INTS4: variants seen among roughly 807,000 people sequenced by gnomAD.
INTS4 encodes integrator complex subunit 4, also known as MSTP093.
A neutral mutation model predicts 119.5 loss-of-function variants in INTS4; 70 were observed. That is an observed-to-expected ratio of 0.59 (90% CI 0.48 to 0.71). The LOEUF (loss-of-function observed/expected upper bound fraction) is 0.71, where lower values mean the gene tolerates loss of function less well. Among genes scored for constraint, INTS4 ranks in the 30% least tolerant of loss-of-function variants. INTS4 has a pLI of 0.00. For synonymous variants in INTS4, 316 were observed against 419.6 expected (o/e 0.75, Z 3.02); for missense variants, 867 against 1,173.2 (o/e 0.74, Z 3.81).
chr11:77,879,241 C>T lies in INTS4; in HGVS notation c.2714-114G>A, dbSNP rs1490796650. 2.0e-5 allele frequency: 22 copies of T among 1,096,506 alleles called. No individual in the cohort carries two copies. In the South Asian group the frequency reaches 2.1e-4, roughly 11 times the overall value. 67.9% of individuals were successfully genotyped at this position (1,096,506 alleles called of 1,614,324 possible). A position where few individuals can be genotyped will look rare whatever the true frequency, so the allele number is the denominator to read the frequency against. ...AGCAGTAGGGAGAAATTTCTTCATC[C>T]GTCTACATTCCCTCCCCTTACCCTC... is the stretch of plus-strand genomic sequence containing the variant. On this transcript the variant is annotated intron_variant, in intron 22 of 22. Coordinates refer to ENST00000534064, the MANE Select transcript of INTS4 (RefSeq NM_033547.4).
intron 22 of INTS4, 96 bp from the exon 23 acceptor site, chr11:77,879,223 G>A: frequency 7.3e-7 from 1 of 1,363,280 alleles, no homozygotes; most frequent in Admixed American, 2.1e-5. Flanking sequence ...GGAAGCAGTA[G>A]GGAGAAATTT....
At chr11:77,947,144 G>T (rs1445484329) in intron 8 of INTS4, among the ~76,000 whole-genome samples, 1 of 150,660 alleles carries the variant, frequency 6.6e-6, no homozygotes, top group Admixed American at 6.6e-5. Context: ...AAAAAAGAAA[G>T]CCTTGGAACA....
In INTS4 at chr11:77,891,744, C is replaced by T; in HGVS notation, c.2385G>A (p.Val795=). The T allele has an allele frequency of 6.2e-7, 1 of 1,611,956 alleles. No individual in the cohort carries two copies. The highest frequency in any genetic ancestry group is 8.5e-7 in the Non-Finnish European group (1 of 1,179,848). ...GCAGCATGGTCTGTAGAATTTTGACCACTTCTGCAGGTTTGGATGTCATGA... is the reference window on the plus strand; with the variant it reads ...GCAGCATGGTCTGTAGAATTTTGACTACTTCTGCAGGTTTGGATGTCATGA... ...PRLMTSKPAE[V]VKILQTMLRQ... The change falls in exon 20 of 23, where the codon GTG becomes GTA. Residue 795 remains valine (V), a synonymous_variant. Coordinates refer to ENST00000534064, the MANE Select transcript of INTS4 (RefSeq NM_033547.4).
intron 18 of INTS4, among the ~76,000 whole-genome samples, 185 bp from the exon 19 acceptor site, chr11:77,894,534 G>A (rs1438076164): frequency 4.6e-5 from 7 of 152,142 alleles, no homozygotes; most frequent in Admixed American, 4.6e-4. Context: ...CCCAAGACCT[G>A]ATTAAACCAC....
downstream of INTS4, chr11:77,878,615 C>T: frequency 1.7e-6 from 1 of 587,136 alleles, no homozygotes; most frequent in East Asian, 2.8e-5. Context: ...CAGGAGGTAA[C>T]TGGATCTTTG....
intron 3 of INTS4, among the ~76,000 whole-genome samples, chr11:77,981,190 C>CAAAAAAAAAAAAAAAAAAAAAAAAAAAA (rs35194381): frequency 1.1e-5 from 1 of 88,862 alleles, no homozygotes; most frequent in Non-Finnish European, 2.3e-5. Flanking sequence ...AACAAACAAG[C>CAAAAAAAAAAAAAAAAAAAAAAAAAAAA]AAAAAAAAAA....
rs1251613708 is a variant in INTS4 at position 77,891,770 on chromosome 11, G to C, written c.2359C>G (p.Leu787Val). ...VDKLLDLMPRLMTSKPAEVVK... is the reference protein window; with the variant it reads ...VDKLLDLMPRVMTSKPAEVVK... ...ACTTCTGCAGGTTTGGATGTCATGA[G>C]TCGGGGCATAAGGTCAAGGAGTTTG... The change falls in exon 20 of 23, where the codon CTC (leucine) becomes GTC (valine). Residue 787 changes from leucine (L) to valine (V), a missense_variant. Physicochemically the swap from Leu to Val is conservative, Grantham distance 32. This residue lies in a region of INTS4 where 262 missense variants were observed against 376.0 expected (regional missense o/e 0.70). Coordinates refer to ENST00000534064, the MANE Select transcript of INTS4 (RefSeq NM_033547.4). 1 of 1,611,914 alleles carries C rather than the reference G, an allele frequency of 6.2e-7. No individual in the cohort carries two copies. The highest frequency in any genetic ancestry group is 1.3e-5 in the African/African-American group (1 of 74,862).
At chr11:77,939,703 G>T (rs1370933427) in intron 9 of INTS4, among the ~76,000 whole-genome samples, 2 of 151,372 alleles carry the variant, frequency 1.3e-5, no homozygotes, top group African/African-American at 2.4e-5. Context: ...AAATTAGCCG[G>T]GTGTGGTGGT....
chr11:77,883,365 C>G (rs1951867976), intron 22 of INTS4, among the ~76,000 whole-genome samples: 1 of 151,998 alleles, frequency 6.6e-6, no homozygotes, highest in Admixed American at 6.6e-5. Context: ...CCCATTTTAT[C>G]CTCACAATTC....
chr11:77,982,000 G>C (rs1478862407), intron 2 of INTS4, among the ~76,000 whole-genome samples: 2 of 152,118 alleles, frequency 1.3e-5, no homozygotes, highest in African/African-American at 4.8e-5. Flanking sequence ...AGTCATGTTA[G>C]ACACAAGTCA....
chr11:77,975,160 C>G (rs1026673729), intron 4 of INTS4, among the ~76,000 whole-genome samples: 1 of 151,530 alleles, frequency 6.6e-6, no homozygotes, highest in Non-Finnish European at 1.5e-5. Context: ...CTTTTTCCAG[C>G]ATCTTAAGTT....
chr11:77,938,829 C>T lies in INTS4; in HGVS notation c.991-4G>A. 6.2e-7 allele frequency: 1 copy of T among 1,605,796 alleles called. No individual in the cohort carries two copies. The highest frequency in any genetic ancestry group is 1.1e-5 in the South Asian group (1 of 89,788). ...GCTCATGTGCAGTACGTTTCCTCTG[C>T]AGAGGACAACAACAATTACCAATTG... On this transcript the variant is annotated splice_polypyrimidine_tract_variant and splice_region_variant and intron_variant, in intron 9 of 22. Coordinates refer to ENST00000534064, the MANE Select transcript of INTS4 (RefSeq NM_033547.4).
At chr11:77,909,075 T>C (rs571172909) in intron 15 of INTS4, among the ~76,000 whole-genome samples, 16 of 152,364 alleles carry the variant, frequency 1.1e-4, no homozygotes, top group African/African-American at 3.4e-4. Context: ...TTACAACAAA[T>C]TGGTGTGTCT....
chr11:77,925,164 A>C (rs569850980), intron 11 of INTS4, among the ~76,000 whole-genome samples: 1 of 152,186 alleles, frequency 6.6e-6, no homozygotes, highest in East Asian at 1.9e-4. Flanking sequence ...CCTTTTTGCA[A>C]CTAGGAAAAA....
chr11:77,994,519 G>C, intron 1 of INTS4, 71 bp downstream of exon 1: 1 of 1,253,664 alleles, frequency 8.0e-7, no homozygotes, highest in East Asian at 2.3e-5. Context: ...TTCTGTTCCG[G>C]CAAAGTGCCT....
At chr11:77,886,705 G>A (rs1952024663) in intron 21 of INTS4, among the ~76,000 whole-genome samples, 1 of 152,174 alleles carries the variant, frequency 6.6e-6, no homozygotes, top group African/African-American at 2.4e-5. Context: ...ACTCTAGTCT[G>A]GCAGGGTGAA....
chr11:77,970,289 C>G (rs1274262598), intron 4 of INTS4, among the ~76,000 whole-genome samples: 2 of 152,098 alleles, frequency 1.3e-5, no homozygotes, highest in African/African-American at 4.8e-5. Flanking sequence ...GTCCCAGCTA[C>G]TCAGGAGGCT....
intron 17 of INTS4, among the ~76,000 whole-genome samples, chr11:77,903,235 G>C (rs1444279640): frequency 6.6e-6 from 1 of 152,248 alleles, no homozygotes; most frequent in African/African-American, 2.4e-5. Context: ...ACTAACTTCT[G>C]TCATAGCCTG....
intron 17 of INTS4, 28 bp downstream of exon 17, chr11:77,903,512 T>C: frequency 1.2e-6 from 2 of 1,610,274 alleles, no homozygotes; most frequent in South Asian, 2.2e-5. Context: ...CAGAGACCTA[T>C]TTGAAGGGAA....
Sources: allele counts gnomAD v4.1 joint callset (sites outside exome capture counted in the v4.1 genomes callset), GRCh38; gene constraint gnomAD v4.1.1; regional missense constraint gnomAD v4.1.1; transcripts MANE v1.5; gene names NCBI Gene and HGNC (gene_info 2026-07-23, HGNC 2026-07-21).